AXDND1: variants seen among roughly 807,000 people sequenced by gnomAD.
The protein encoded by AXDND1 is axonemal dynein light chain domain containing 1.
AXDND1 carries 110 observed loss-of-function variants against 137.5 expected under a neutral mutation model. The ratio of observed to expected loss-of-function variants is 0.80; its 90% CI spans 0.69 to 0.94. The LOEUF (loss-of-function observed/expected upper bound fraction) is 0.94. AXDND1 is among the 40% of genes least tolerant of loss of function. The pLI is 0.00. For synonymous variants in AXDND1, 414 were observed against 399.7 expected, an observed-to-expected ratio of 1.04 and a Z score of -0.43; for missense variants, 1,191 against 1,169.8, an observed-to-expected ratio of 1.02 and a Z score of -0.26.
intron 9 of AXDND1, among the ~76,000 whole-genome samples, chr1:179,387,325 C>T (rs12729788): frequency 0.2 from 30,814 of 151,956 alleles, 3,295 homozygotes; most frequent in Non-Finnish European, 0.24. Flanking sequence ...TTGTGGTAAT[C>T]ATAACATGAC....
chr1:179,387,032 T>C (rs1041177866), intron 9 of AXDND1, among the ~76,000 whole-genome samples: 1 of 152,208 alleles, frequency 6.6e-6, no homozygotes, highest in Non-Finnish European at 1.5e-5. Context: ...TACTTAACTT[T>C]TTGAACATAC....
chr1:179,525,369 C>G lies in AXDND1; in HGVS notation c.2532C>G (p.Asp844Glu). 1 of 1,611,492 alleles carries G rather than the reference C, an allele frequency of 6.2e-7. No individual in the cohort carries two copies. Among genetic ancestry groups the G allele is most frequent in the Non-Finnish European group, 8.5e-7 (1 of 1,178,512 alleles). The change falls in exon 22 of 26, where the codon GAC becomes GAG. Residue 844 changes from aspartate (D) to glutamate (E), a missense_variant. Asp to Glu is a conservative substitution (Grantham distance 45, BLOSUM62 2). Transcript: ENST00000367618. Reference sequence around the variant, plus strand: ...AAGAATTCATTGAGCCTGAAATAGACGAGTCTTTTAAAGAAGATGAAGAAG... The same window carrying G: ...AAGAATTCATTGAGCCTGAAATAGAGGAGTCTTTTAAAGAAGATGAAGAAG... Reference protein sequence around the residue: ...AVKEFIEPEIDESFKEDEEES... With the variant: ...AVKEFIEPEIEESFKEDEEES...
chr1:179,514,479 C>A (rs57417655), intron 21 of AXDND1, among the ~76,000 whole-genome samples: 2 of 151,976 alleles, frequency 1.3e-5, no homozygotes, highest in African/African-American at 4.8e-5. Context: ...CATCTAGTGG[C>A]CTATCACATG....
chr1:179,379,253 A>G, intron 5 of AXDND1, 144 bp from the exon 6 acceptor site: 1 of 775,832 alleles, frequency 1.3e-6, no homozygotes, highest in Non-Finnish European at 2.0e-6. Flanking sequence ...TATGACCCAC[A>G]TTGCTAATAT....
At position 179,366,570 on chromosome 1, in the gene AXDND1, A is replaced by C; in HGVS notation, c.61A>C (p.Lys21Gln). Residue 21 changes from lysine to glutamine, a missense_variant, in exon 2 of 26, where the codon AAG becomes CAG. Physicochemically the swap from Lys to Gln is moderately conservative, Grantham distance 53 (BLOSUM62 1). Transcript: ENST00000367618. ...CTCTACATCAACATCTGAGAGCAAAAAGTTAAAAGTGTCTGTAGCCAAGGA... is the reference window on the plus strand; with the variant it reads ...CTCTACATCAACATCTGAGAGCAAACAGTTAAAAGTGTCTGTAGCCAAGGA... Reference protein sequence around the residue: ...LNSTSTSESKKLKVSVAKEGT... With the variant: ...LNSTSTSESKQLKVSVAKEGT... 6.2e-7 allele frequency: 1 copy of C among 1,613,824 alleles called. No individual in the cohort carries two copies. The highest frequency in any genetic ancestry group is 8.5e-7 in the Non-Finnish European group (1 of 1,179,778).
At chr1:179,512,420 A>G (rs923991139) in intron 21 of AXDND1, among the ~76,000 whole-genome samples, 2 of 152,174 alleles carry the variant, frequency 1.3e-5, no homozygotes, top group African/African-American at 4.8e-5. Context: ...CCATTGGTCT[A>G]TATGCCTGTT....
At chr1:179,434,176 C>T (rs1444001531) in intron 15 of AXDND1, among the ~76,000 whole-genome samples, 11 of 152,076 alleles carry the variant, frequency 7.2e-5, no homozygotes, top group Non-Finnish European at 1.5e-5. Context: ...GTTGCAACCC[C>T]TGCTTTTTTT....
In AXDND1 at chr1:179,554,620, G is replaced by A; in HGVS notation, c.*101G>A. 8.5e-6 allele frequency: 13 copies of A among 1,531,934 alleles called. No homozygotes were observed. In the South Asian group the frequency reaches 1.5e-4, roughly 17 times the overall value. 94.9% of individuals were successfully genotyped at this position (1,531,934 alleles called of 1,614,324 possible). On this transcript the variant is annotated 3_prime_UTR_variant, in exon 26 of 26. Transcript: ENST00000367618. ...CCTGGTGGCCATTGTTCTGTACTAA[G>A]GAACAACATTCCCTTTGAAAGGACA...
intron 21 of AXDND1, among the ~76,000 whole-genome samples, chr1:179,513,626 T>C (rs1310111166): frequency 6.6e-6 from 1 of 152,136 alleles, no homozygotes; most frequent in Non-Finnish European, 1.5e-5. Flanking sequence ...TGTGGAATAG[T>C]GTCAAAAGGA....
intron 25 of AXDND1, 47 bp downstream of exon 25, chr1:179,535,009 A>G: frequency 1.9e-6 from 3 of 1,605,854 alleles, no homozygotes; most frequent in Non-Finnish European, 2.5e-6. Context: ...TATTTATGAA[A>G]GAAAATTTGA....
chr1:179,419,859 T>C (rs1179386878), intron 12 of AXDND1, among the ~76,000 whole-genome samples: 5 of 152,332 alleles, frequency 3.3e-5, no homozygotes, highest in Middle Eastern at 3.4e-3. Context: ...GTGGAGTCTT[T>C]AGGTTTTTTA....
chr1:179,380,706 T>C (rs1340858940), intron 6 of AXDND1, among the ~76,000 whole-genome samples: 2 of 152,206 alleles, frequency 1.3e-5, no homozygotes, highest in Admixed American at 1.3e-4. Context: ...TATGTTATAA[T>C]ATATTGCATT....
At chr1:179,456,463 C>T (rs1252313900) in intron 16 of AXDND1, 12 of 768,234 alleles carry the variant, frequency 1.6e-5, no homozygotes, top group Middle Eastern at 3.6e-4. Context: ...CCTCCACCTC[C>T]GTTGTTATAG....
intron 12 of AXDND1, among the ~76,000 whole-genome samples, chr1:179,418,021 T>A (rs1654973844): frequency 6.7e-6 from 1 of 150,338 alleles, no homozygotes; most frequent in Non-Finnish European, 1.5e-5. Flanking sequence ...TGATCATTCT[T>A]GGGTGTTTCT....
At chr1:179,451,327 C>T (rs1196207164) in intron 16 of AXDND1, 7 of 130,922 alleles carry the variant, frequency 5.3e-5, no homozygotes, top group South Asian at 4.6e-4. Context: ...TTTGGTTGTC[C>T]GTATATTTCA....
intron 25 of AXDND1, among the ~76,000 whole-genome samples, chr1:179,535,278 G>T (rs1405709236): frequency 6.6e-6 from 1 of 151,846 alleles, no homozygotes. Context: ...CAACGTGCAG[G>T]TTTGGTACAT....
intron 25 of AXDND1, among the ~76,000 whole-genome samples, chr1:179,539,732 G>A (rs186299462): frequency 4.6e-5 from 7 of 152,050 alleles, no homozygotes; most frequent in East Asian, 3.9e-4. Flanking sequence ...TTGAATATTC[G>A]CCTGCCTTGC....
intron 20 of AXDND1, among the ~76,000 whole-genome samples, chr1:179,495,046 G>A (rs960374055): frequency 2.0e-5 from 3 of 152,078 alleles, no homozygotes; most frequent in Non-Finnish European, 4.4e-5. Flanking sequence ...TGGACATTCT[G>A]TTGTGTTCTG....
At chr1:179,494,725 A>AT (rs1226082202) in intron 20 of AXDND1, among the ~76,000 whole-genome samples, 1 of 151,646 alleles carries the variant, frequency 6.6e-6, no homozygotes, top group Admixed American at 6.6e-5. Flanking sequence ...TCAATCTCTG[A>AT]TTTTTTTTCT....
Sources: gnomAD v4.1 joint callset for allele counts (sites outside exome capture counted in the v4.1 genomes callset) on GRCh38, gnomAD v4.1.1 for gene constraint, MANE v1.5 for transcripts, NCBI Gene and HGNC (gene_info 2026-07-23, HGNC 2026-07-21) for gene names.